The following PDZD2 variants were observed in gnomAD, a reference collection of about 807,000 sequenced individuals.
PDZD2 encodes PDZ domain containing 2, also known as PDZ domain-containing protein 2.
In PDZD2, 90 loss-of-function variants were observed where a neutral mutation model predicts 220.7. That is an observed-to-expected ratio of 0.41 (90% CI 0.34 to 0.49). PDZD2 has a LOEUF of 0.49. Among genes scored for constraint, PDZD2 ranks in the 20% least tolerant of loss-of-function variants. The pLI, the probability that PDZD2 is intolerant of heterozygous loss-of-function variation, is 0.28. For missense variants in PDZD2, 3,174 were observed against 3,608.5 expected, an observed-to-expected ratio of 0.88 and a Z score of 3.08; for synonymous variants, 1,375 against 1,450.5, an observed-to-expected ratio of 0.95 and a Z score of 1.18.
chr5:31,694,516 T>C (rs998671976), intron 1 of PDZD2, among the ~76,000 whole-genome samples: 2 of 152,208 alleles, frequency 1.3e-5, no homozygotes, highest in Non-Finnish European at 2.9e-5. Flanking sequence ...TGGGTAGTGA[T>C]TGTATCTCTA....
chr5:31,882,075 G>A (rs1314179330), intron 2 of PDZD2, among the ~76,000 whole-genome samples: 1 of 152,148 alleles, frequency 6.6e-6, no homozygotes, highest in African/African-American at 2.4e-5. Context: ...TTCTGGGTGT[G>A]TAAAAACCCA....
intron 2 of PDZD2, among the ~76,000 whole-genome samples, chr5:31,878,293 G>C (rs1463802555): frequency 6.6e-6 from 1 of 152,128 alleles, no homozygotes; most frequent in African/African-American, 2.4e-5. Flanking sequence ...TTCCCCAGGG[G>C]CTTTTTTCTT....
intron 1 of PDZD2, among the ~76,000 whole-genome samples, chr5:31,788,583 G>A (rs940831253): frequency 9.9e-5 from 15 of 151,900 alleles, no homozygotes; most frequent in Admixed American, 2.6e-4. Flanking sequence ...GGAGAATGGC[G>A]TGAACCTGGG....
chr5:31,857,308 G>A (rs1011564851), intron 2 of PDZD2, among the ~76,000 whole-genome samples: 2 of 152,098 alleles, frequency 1.3e-5, no homozygotes, highest in African/African-American at 4.8e-5. Flanking sequence ...CATCATTGTG[G>A]GGTCTCCTCT....
chr5:31,798,908 A>G lies in PDZD2; in HGVS notation c.-341A>G. ...TCCCAGGTGTGAATGAGCCCAGGGAAGGACACACGGCCACTGCTGGAGGGA... is the reference window on the plus strand; with the variant it reads ...TCCCAGGTGTGAATGAGCCCAGGGAGGGACACACGGCCACTGCTGGAGGGA... On this transcript the variant is annotated 5_prime_UTR_variant, in exon 2 of 25. Coordinates refer to ENST00000438447, the MANE Select transcript of PDZD2 (RefSeq NM_178140.4). 3.4e-6 allele frequency: 1 copy of G among 295,298 alleles called. No individual in the cohort carries two copies. Among genetic ancestry groups the G allele is most frequent in the Admixed American group, 4.6e-5 (1 of 21,836 alleles). The allele number at this position is 295,298 out of a possible 1,614,324, so 18.3% of individuals were successfully genotyped here.
chr5:31,777,060 C>T (rs971056305), intron 1 of PDZD2, among the ~76,000 whole-genome samples: 1 of 152,118 alleles, frequency 6.6e-6, no homozygotes, highest in African/African-American at 2.4e-5. Flanking sequence ...CTGGGCTGGC[C>T]GAGCCTGGAG....
intron 3 of PDZD2, among the ~76,000 whole-genome samples, chr5:31,994,011 GTTTTTGTTT>G (rs984863107): frequency 1.3e-5 from 2 of 151,746 alleles, no homozygotes; most frequent in African/African-American, 4.9e-5. Flanking sequence ...TTTATTTATT[GTTTTTGTTT>G]TTTTTGTTTG....
chr5:31,687,669 T>C (rs1746928768), intron 1 of PDZD2, among the ~76,000 whole-genome samples: 1 of 152,144 alleles, frequency 6.6e-6, no homozygotes, highest in African/African-American at 2.4e-5. Context: ...AACAGAAAAG[T>C]ATTTTGTCAT....
chr5:31,661,854 C>G (rs1745781416), intron 1 of PDZD2, among the ~76,000 whole-genome samples: 2 of 143,042 alleles, frequency 1.4e-5, no homozygotes, highest in African/African-American at 5.2e-5. Context: ...CGTAACTGTA[C>G]AAGGTGCAGG....
At chr5:31,776,596 ATGAACCACCACGCC>A (rs1180273990) in intron 1 of PDZD2, among the ~76,000 whole-genome samples, 2 of 150,408 alleles carry the variant, frequency 1.3e-5, no homozygotes, top group Admixed American at 6.6e-5. Context: ...GATTACAGGC[ATGAACCACCACGCC>A]TGGCCTTATT....
In PDZD2 at chr5:31,802,947, G is replaced by A. The variant is rs185777519; in HGVS notation, c.476+3223G>A. ...AAAAAAAAAAAAAAAAAAAAGACGC[G>A]CACACATGGAAATGGCTGTCACGAA... On this transcript the variant is annotated intron_variant, in intron 2 of 24. Transcript: ENST00000438447. 6.2e-3 allele frequency among the ~76,000 whole-genome samples: 885 copies of A among 143,794 alleles called. 7 individuals carry two copies. Among genetic ancestry groups the A allele is most frequent in the Middle Eastern group, 0.033 (9 of 276 alleles). The allele number at this position is 143,794 out of a possible 152,430, so 94.3% of individuals were successfully genotyped here. A position where few individuals can be genotyped will look rare whatever the true frequency, so the allele number is the denominator to read the frequency against.
chr5:32,065,202 G>A lies in PDZD2; in HGVS notation c.2451+4068G>A, dbSNP rs534028641. Among the ~76,000 whole-genome samples, 5 of 152,014 alleles carry A rather than the reference G, an allele frequency of 3.3e-5. No homozygotes were observed. In the East Asian group the frequency reaches 7.7e-4, roughly 24 times the overall value. Reference sequence around the variant, plus strand: ...TAATCCTAGCTACTCCAGTGCTGAGGAAGGAGAAATCACTTGTACCTGCGA... The same window carrying A: ...TAATCCTAGCTACTCCAGTGCTGAGAAAGGAGAAATCACTTGTACCTGCGA... On this transcript the variant is annotated intron_variant, in intron 14 of 24. Coordinates refer to ENST00000438447, the MANE Select transcript of PDZD2 (RefSeq NM_178140.4).
intron 2 of PDZD2, chr5:31,908,378 C>T (rs980151798): frequency 8.3e-6 from 3 of 361,134 alleles, no homozygotes; most frequent in Admixed American, 8.9e-5. Context: ...TCTACTGGGA[C>T]CTTGTCAGCC....
At chr5:31,806,177 G>T (rs1561474315) in intron 2 of PDZD2, among the ~76,000 whole-genome samples, 1 of 152,174 alleles carries the variant, frequency 6.6e-6, no homozygotes, top group African/African-American at 2.4e-5. Flanking sequence ...GAGCACTGTG[G>T]ATGTTTTTTG....
intron 2 of PDZD2, among the ~76,000 whole-genome samples, chr5:31,875,799 G>A (rs1312745756): frequency 2.6e-5 from 4 of 151,400 alleles, no homozygotes; most frequent in Non-Finnish European, 4.4e-5. Context: ...AAAATATATA[G>A]GTCAGTGTTA....
At chr5:31,721,754 G>T (rs1211041145) in intron 1 of PDZD2, among the ~76,000 whole-genome samples, 2 of 146,228 alleles carry the variant, frequency 1.4e-5, no homozygotes, top group Middle Eastern at 3.2e-3. Context: ...AAAAAAAAAT[G>T]AGTCTTAGCA....
intron 2 of PDZD2, among the ~76,000 whole-genome samples, chr5:31,976,837 C>T (rs1441330751): frequency 6.6e-6 from 1 of 150,530 alleles, no homozygotes; most frequent in Non-Finnish European, 1.5e-5. Flanking sequence ...CCTGCCTCAG[C>T]CTCCTGAGCA....
intron 6 of PDZD2, among the ~76,000 whole-genome samples, chr5:32,030,214 C>G (rs1755014609): frequency 6.6e-6 from 1 of 152,222 alleles, no homozygotes; most frequent in Non-Finnish European, 1.5e-5. Context: ...CATGGAAGTG[C>G]TTAGACTGAA....
chr5:31,766,386 A>AT (rs1752011103), intron 1 of PDZD2, among the ~76,000 whole-genome samples: 1 of 152,112 alleles, frequency 6.6e-6, no homozygotes, highest in African/African-American at 2.4e-5. Context: ...ATTTTATCTT[A>AT]TTTTATTTTT....
Sources: allele counts gnomAD v4.1 joint callset (sites outside exome capture counted in the v4.1 genomes callset), GRCh38; gene constraint gnomAD v4.1.1; transcripts MANE v1.5; gene names NCBI Gene and HGNC (gene_info 2026-07-23, HGNC 2026-07-21).